Variants in RCOR3 observed in about 807,000 individuals in gnomAD.
RCOR3 encodes the protein REST corepressor 3.
A neutral mutation model predicts 64.1 loss-of-function variants in RCOR3; 13 were observed. The observed-to-expected ratio is 0.20, with a 90% confidence interval of 0.13 to 0.32. The LOEUF (loss-of-function observed/expected upper bound fraction) is 0.32, where lower values mean the gene tolerates loss of function less well. RCOR3 is among the 10% of genes least tolerant of loss of function. The probability of loss-of-function intolerance (pLI) is 1.00; values close to 1 mark genes in which losing one functional copy is unlikely to be tolerated. For synonymous variants in RCOR3, 215 were observed against 239.0 expected (o/e 0.90, Z 0.93); for missense variants, 489 against 701.2 (o/e 0.70, Z 3.42).
At chr1:211,288,998 C>A (rs1202755628) in intron 7 of RCOR3, among the ~76,000 whole-genome samples, 180 bp from the exon 8 acceptor site, 1 of 151,994 alleles carries the variant, frequency 6.6e-6, no homozygotes, top group Non-Finnish European at 1.5e-5. Flanking sequence ...GTATGCTTTT[C>A]CTCCCAGTTG....
In RCOR3 at chr1:211,313,654, T is replaced by C. The variant is rs1054894574; in HGVS notation, c.1548T>C (p.Pro516=). The change falls in exon 12 of 12, where the codon CCT becomes CCC. Residue 516 remains proline (P), a synonymous_variant. Coordinates refer to ENST00000419091, the MANE Select transcript of RCOR3 (RefSeq NM_001136223.3). The surrounding 1 kb of genome is among the most constrained non-coding windows in gnomAD (Gnocchi z 4.7). ...LNQPPPPLIR[P]ANSMPPRLNP... ...AGCCTCCACCACCTCTTATTCGCCC[T>C]GCTAATTCCATGCCACCCCGTCTAA... The C allele has an allele frequency of 1.9e-6, 3 of 1,614,066 alleles. No individual in the cohort carries two copies. Among genetic ancestry groups the C allele is most frequent in the Non-Finnish European group, 2.5e-6 (3 of 1,180,026 alleles).
At chr1:211,299,002 G>A (rs759866450) in intron 9 of RCOR3, among the ~76,000 whole-genome samples, 3 of 150,626 alleles carry the variant, frequency 2.0e-5, no homozygotes, top group Non-Finnish European at 3.0e-5. Flanking sequence ...GTGAGACTCC[G>A]TCTCAAAAAA....
At chr1:211,284,411 C>T (rs1698242917) in intron 7 of RCOR3, among the ~76,000 whole-genome samples, 1 of 152,064 alleles carries the variant, frequency 6.6e-6, no homozygotes, top group Non-Finnish European at 1.5e-5. Flanking sequence ...TATTCTTTTA[C>T]ATTTTCTTTT....
At chr1:211,308,694 T>TGTG (rs1186009538) in intron 10 of RCOR3, among the ~76,000 whole-genome samples, 11 of 59,834 alleles carry the variant, frequency 1.8e-4, no homozygotes, top group Admixed American at 6.8e-4. Context: ...GTTTTTTTTT[T>TGTG]TTTTTGTGTA....
At chr1:211,259,924 G>GCC (rs1166189134) in intron 1 of RCOR3, 184 bp from the exon 2 acceptor site, 112 of 460,016 alleles carry the variant, frequency 2.4e-4, no homozygotes, top group African/African-American at 7.2e-4. Flanking sequence ...CTCCGCCTTT[G>GCC]CCCCCCCCCG....
intron 9 of RCOR3, chr1:211,302,521 C>G (rs181455297): frequency 6.6e-6 from 1 of 152,114 alleles, no homozygotes. Flanking sequence ...ATTTCAAAGC[C>G]AAAGGATGTT....
intron 9 of RCOR3, among the ~76,000 whole-genome samples, chr1:211,297,868 T>G (rs1699999452): frequency 1.3e-5 from 2 of 152,212 alleles, no homozygotes; most frequent in Admixed American, 1.3e-4. Context: ...TACCTTTAGT[T>G]TAAACCATAT....
intron 10 of RCOR3, among the ~76,000 whole-genome samples, chr1:211,306,724 A>G (rs1253729742): frequency 6.6e-6 from 1 of 152,146 alleles, no homozygotes; most frequent in Non-Finnish European, 1.5e-5. Flanking sequence ...ATCTACTCAT[A>G]TTGTTGTTAA....
chr1:211,288,001 G>A (rs1425248090), intron 7 of RCOR3, among the ~76,000 whole-genome samples: 2 of 152,180 alleles, frequency 1.3e-5, no homozygotes, highest in East Asian at 3.9e-4. Flanking sequence ...CTTGAGTCTA[G>A]GAGTTTGAGA....
chr1:211,268,655 A>C (rs1371682159), intron 2 of RCOR3, among the ~76,000 whole-genome samples: 2 of 151,692 alleles, frequency 1.3e-5, no homozygotes, highest in Admixed American at 1.3e-4. Flanking sequence ...GGGATTATAG[A>C]CTTGAGCCAC....
At chr1:211,260,498 A>G (rs908248348) in intron 2 of RCOR3, among the ~76,000 whole-genome samples, 3 of 152,200 alleles carry the variant, frequency 2.0e-5, no homozygotes, top group Non-Finnish European at 4.4e-5. Context: ...CTGGAGGAGC[A>G]GGCGTGCGGA....
In RCOR3 at chr1:211,282,248, G is replaced by A. The variant is rs1437779991; in HGVS notation, c.720+2932G>A. 2.0e-5 allele frequency among the ~76,000 whole-genome samples: 3 copies of A among 152,282 alleles called. 1 individual carries two copies. The highest frequency in any genetic ancestry group is 4.1e-4 in the South Asian group (2 of 4,828). On this transcript the variant is annotated intron_variant, in intron 7 of 11. Coordinates refer to ENST00000419091, the MANE Select transcript of RCOR3 (RefSeq NM_001136223.3). ...AGGTGTGGTCCAAGACTAGCACTAT[G>A]TGTCAGCAGCTTCATTCATTTCTCT...
At chr1:211,273,312 C>T (rs1696496598) in intron 3 of RCOR3, among the ~76,000 whole-genome samples, 1 of 152,068 alleles carries the variant, frequency 6.6e-6, no homozygotes, top group African/African-American at 2.4e-5. Context: ...AGTGAGGAAA[C>T]TAAGGTACAG....
intron 9 of RCOR3, chr1:211,303,837 T>C: frequency 3.2e-6 from 1 of 315,220 alleles, no homozygotes; most frequent in Non-Finnish European, 5.8e-6. Context: ...TTGATATCTC[T>C]AATTAGAGCA....
At chr1:211,259,929 C>CT in intron 1 of RCOR3, 179 bp from the exon 2 acceptor site, 1 of 1,007,752 alleles carries the variant, frequency 9.9e-7, no homozygotes, top group Non-Finnish European at 1.4e-6. Context: ...CCTTTGCCCC[C>CT]CCCCGCTCCC....
chr1:211,263,503 C>G (rs926915692), intron 2 of RCOR3, among the ~76,000 whole-genome samples: 7 of 152,228 alleles, frequency 4.6e-5, no homozygotes, highest in African/African-American at 1.7e-4. Flanking sequence ...TTCACTTACT[C>G]ATTTTCTGCT....
intron 2 of RCOR3, among the ~76,000 whole-genome samples, chr1:211,269,313 G>A (rs1695764422): frequency 6.6e-6 from 1 of 151,764 alleles, no homozygotes; most frequent in Non-Finnish European, 1.5e-5. Flanking sequence ...AAAATACAAA[G>A]TTAGCCAAGC....
intron 10 of RCOR3, among the ~76,000 whole-genome samples, chr1:211,308,393 G>T (rs1282994771): frequency 2.6e-5 from 4 of 152,052 alleles, no homozygotes; most frequent in Non-Finnish European, 5.9e-5. Flanking sequence ...TTCTTGAAGA[G>T]ATTTACAGGA....
chr1:211,295,611 A>G, intron 8 of RCOR3, 65 bp from the exon 9 acceptor site: 2 of 1,304,224 alleles, frequency 1.5e-6, no homozygotes, highest in Non-Finnish European at 2.2e-6. Flanking sequence ...TTTTCACTTA[A>G]TTGAGTACTC....
Sources: gnomAD v4.1 joint callset for allele counts (sites outside exome capture counted in the v4.1 genomes callset) on GRCh38, gnomAD v4.1.1 for gene constraint, Gnocchi (gnomAD v3.1) non-coding constraint, MANE v1.5 for transcripts, NCBI Gene and HGNC (gene_info 2026-07-23, HGNC 2026-07-21) for gene names.